Variants in RIT2 observed in about 807,000 individuals in gnomAD.
RIT2 encodes the protein Ras like without CAAX 2.
RIT2 carries 24 observed loss-of-function variants against 23.7 expected under a neutral mutation model. That is an observed-to-expected ratio of 1.01 (90% CI 0.73 to 1.43). RIT2 has a LOEUF of 1.43. RIT2 is among the 40% of genes most tolerant of loss of function. The pLI is 0.00. For missense variants in RIT2, 236 were observed against 266.9 expected, an observed-to-expected ratio of 0.88 and a Z score of 0.81; for synonymous variants, 107 against 91.1, an observed-to-expected ratio of 1.17 and a Z score of -0.99.
At chr18:42,894,763 G>T (rs1908277900) in intron 4 of RIT2, among the ~76,000 whole-genome samples, 1 of 152,186 alleles carries the variant, frequency 6.6e-6, no homozygotes, top group South Asian at 2.1e-4. Flanking sequence ...ACTGTAGTAT[G>T]ATAGGCAATC....
At chr18:43,026,618 AAGAAAGAAAGAAAGAAAG>A (rs1284975580) in intron 2 of RIT2, among the ~76,000 whole-genome samples, 328 of 145,752 alleles carry the variant, frequency 2.3e-3, no homozygotes, top group Middle Eastern at 3.6e-3. Flanking sequence ...GAAAGAAAGA[AAGAAAGAAAGAAAGAAAG>A]AGAGAAAGAA....
At chr18:43,027,513 G>A (rs1393200661) in intron 2 of RIT2, among the ~76,000 whole-genome samples, 1 of 151,992 alleles carries the variant, frequency 6.6e-6, no homozygotes, top group African/African-American at 2.4e-5. Context: ...TAAGTGGCAA[G>A]GCTAAGTATG....
chr18:42,796,321 C>T (rs976721468), intron 4 of RIT2, among the ~76,000 whole-genome samples: 7 of 152,088 alleles, frequency 4.6e-5, no homozygotes, highest in Non-Finnish European at 1.0e-4. Context: ...AGCGAGACCA[C>T]GAACCCACCA....
At chr18:42,923,045 G>T (rs772447085) in intron 4 of RIT2, among the ~76,000 whole-genome samples, 6 of 152,142 alleles carry the variant, frequency 3.9e-5, no homozygotes, top group Non-Finnish European at 8.8e-5. Context: ...TTACCTGGGA[G>T]ATTTTCGTGT....
At chr18:42,998,198 A>G (rs1203154936) in intron 2 of RIT2, among the ~76,000 whole-genome samples, 3 of 152,136 alleles carry the variant, frequency 2.0e-5, no homozygotes, top group African/African-American at 7.2e-5. Flanking sequence ...TCTATTATGC[A>G]AAGTGCTGCC....
At chr18:42,925,685 C>G (rs1372004169) in intron 3 of RIT2, among the ~76,000 whole-genome samples, 1 of 151,638 alleles carries the variant, frequency 6.6e-6, no homozygotes, top group Non-Finnish European at 1.5e-5. Flanking sequence ...TAGTTTTCTT[C>G]TCACCTCAAA....
chr18:42,794,168 TTC>T (rs1914103163), intron 4 of RIT2, among the ~76,000 whole-genome samples: 1 of 152,194 alleles, frequency 6.6e-6, no homozygotes, highest in African/African-American at 2.4e-5. Context: ...ACTCCTTCTT[TTC>T]CTCCTTCCAG....
intron 2 of RIT2, among the ~76,000 whole-genome samples, chr18:42,976,441 A>G (rs751263713): frequency 3.2e-4 from 49 of 152,098 alleles, no homozygotes; most frequent in Admixed American, 2.2e-3. Flanking sequence ...ATGTATTTGA[A>G]TGAGGTATCT....
chr18:43,012,164 A>G (rs1257563560), intron 2 of RIT2, among the ~76,000 whole-genome samples: 1 of 151,844 alleles, frequency 6.6e-6, no homozygotes, highest in African/African-American at 2.4e-5. Context: ...TCTCTTTTTC[A>G]GATGGTGTGA....
intron 3 of RIT2, among the ~76,000 whole-genome samples, chr18:42,973,505 T>C (rs1267478695): frequency 6.6e-6 from 1 of 151,946 alleles, no homozygotes; most frequent in African/African-American, 2.4e-5. Flanking sequence ...TTAAATCTTA[T>C]ACCTTTCCTC....
chr18:42,985,721 C>CA (rs1910693243), intron 2 of RIT2, among the ~76,000 whole-genome samples: 1 of 151,646 alleles, frequency 6.6e-6, no homozygotes, highest in Non-Finnish European at 1.5e-5. Flanking sequence ...AATTTGCTAC[C>CA]ATACACTATA....
chr18:43,028,075 C>CA (rs1911773858), intron 2 of RIT2, among the ~76,000 whole-genome samples: 1 of 151,834 alleles, frequency 6.6e-6, no homozygotes, highest in Non-Finnish European at 1.5e-5. Flanking sequence ...GGAAGATGAA[C>CA]AAAAAATTAA....
chr18:42,872,706 C>T (rs1159747418), intron 4 of RIT2, among the ~76,000 whole-genome samples: 1 of 152,094 alleles, frequency 6.6e-6, no homozygotes, highest in East Asian at 1.9e-4. Context: ...TTTAAAAGCA[C>T]TTTTATTTTT....
intron 3 of RIT2, among the ~76,000 whole-genome samples, chr18:42,967,899 T>C (rs1220485281): frequency 6.6e-6 from 1 of 152,048 alleles, no homozygotes; most frequent in African/African-American, 2.4e-5. Flanking sequence ...TTCATCTTTT[T>C]TCTATAAGTT....
chr18:42,832,711 A>G (rs1305448536), intron 4 of RIT2, among the ~76,000 whole-genome samples: 1 of 152,066 alleles, frequency 6.6e-6, no homozygotes, highest in Non-Finnish European at 1.5e-5. Context: ...AATATACAAT[A>G]TATTGTACTT....
intron 3 of RIT2, among the ~76,000 whole-genome samples, chr18:42,962,347 A>AT (rs1345972511): frequency 5.3e-5 from 8 of 152,194 alleles, no homozygotes; most frequent in Non-Finnish European, 1.2e-4. Context: ...TTTTAAAACT[A>AT]TTTTTATACT....
chr18:42,923,774 A>T lies in RIT2; in HGVS notation c.235-11T>A. On this transcript the variant is annotated splice_polypyrimidine_tract_variant and intron_variant, in intron 3 of 4. Coordinates refer to ENST00000326695, the MANE Select transcript of RIT2 (RefSeq NM_002930.4). Reference sequence around the variant, plus strand: ...GGCTGTGAATTCTGCCTGCAGGAAAAAAAAAAAAAAATTAGTTATGGGCTT... The same window carrying T: ...GGCTGTGAATTCTGCCTGCAGGAAATAAAAAAAAAAATTAGTTATGGGCTT... The T allele has an allele frequency of 6.4e-7, 1 of 1,558,998 alleles. No homozygotes were observed. The highest frequency in any genetic ancestry group is 8.7e-7 in the Non-Finnish European group (1 of 1,151,908).
At chr18:42,747,968 C>T (rs530720696) in intron 4 of RIT2, among the ~76,000 whole-genome samples, 1 of 152,196 alleles carries the variant, frequency 6.6e-6, no homozygotes, top group African/African-American at 2.4e-5. Flanking sequence ...TCCTTCTAGA[C>T]ATTGGCTTAG....
At chr18:42,922,566 T>C (rs1024445478) in intron 4 of RIT2, among the ~76,000 whole-genome samples, 2 of 152,166 alleles carry the variant, frequency 1.3e-5, no homozygotes, top group African/African-American at 4.8e-5. Flanking sequence ...GGGAATGGAA[T>C]TGTGATATGA....
Sources: allele counts gnomAD v4.1 joint callset (sites outside exome capture counted in the v4.1 genomes callset), GRCh38; gene constraint gnomAD v4.1.1; transcripts MANE v1.5; gene names NCBI Gene and HGNC (gene_info 2026-07-23, HGNC 2026-07-21).